CELA1: variants seen among roughly 807,000 people sequenced by gnomAD.
The protein encoded by CELA1 is chymotrypsin-like elastase family member 1.
A neutral mutation model predicts 34.8 loss-of-function variants in CELA1; 28 were observed. That is an observed-to-expected ratio of 0.80 (90% CI 0.60 to 1.10). CELA1 has a LOEUF of 1.10. Among genes scored for constraint, CELA1 ranks in the 50% least tolerant of loss-of-function variants. CELA1 has a pLI of 0.00. For synonymous variants in CELA1, 140 were observed against 129.8 expected (o/e 1.08, Z -0.53); for missense variants, 288 against 327.5 (o/e 0.88, Z 0.93).
At position 51,341,373 on chromosome 12, in the gene CELA1, T is replaced by C. The variant is rs1331412941; in HGVS notation, c.334A>G (p.Ile112Val). The C allele has an allele frequency of 3.7e-6, 6 of 1,614,138 alleles. No homozygotes were observed. Among genetic ancestry groups the C allele is most frequent in the Non-Finnish European group, 5.1e-6 (6 of 1,180,022 alleles). ...NSDNVAAGYD[I>V]ALLRLAQSVT... ...CTCTGGGCCAGGCGCAGCAGGGCGA[T>C]GTCATAGCTGCAGGAGAAAAGGAGA... The change falls in exon 5 of 8, where the codon ATC (isoleucine) becomes GTC (valine). Residue 112 changes from isoleucine to valine, a missense_variant. By Grantham distance (29) the Ile-to-Val change is conservative (BLOSUM62 3). Coordinates refer to ENST00000293636, the MANE Select transcript of CELA1 (RefSeq NM_001971.6).
In CELA1 at chr12:51,344,266, G is replaced by C. The variant is rs537786153; in HGVS notation, c.100-413C>G. 6.4e-4 allele frequency among the ~76,000 whole-genome samples: 98 copies of C among 152,294 alleles called. 1 individual carries two copies. The highest frequency in any genetic ancestry group is 1.3e-3 in the Non-Finnish European group (89 of 68,028). On this transcript the variant is annotated intron_variant, in intron 2 of 7. Transcript: ENST00000293636. ...AAGGGATGCTCCATCGCTTGGTGAT[G>C]TTTGCTGTGTACATGGATGGAGGAG...
intron 6 of CELA1, among the ~76,000 whole-genome samples, chr12:51,335,423 CT>C (rs1488978005): frequency 6.6e-6 from 1 of 151,886 alleles, no homozygotes; most frequent in Admixed American, 6.6e-5. Context: ...TGCCTGGCTA[CT>C]TTTTTGTATT....
chr12:51,342,875 G>A (rs1156391421), intron 3 of CELA1, among the ~76,000 whole-genome samples, 175 bp from the exon 4 acceptor site: 1 of 151,160 alleles, frequency 6.6e-6, no homozygotes, highest in African/African-American at 2.4e-5. Context: ...AAACTCCCAG[G>A]CTCAAGTGAT....
chr12:51,328,950 G>A (rs1946452033), intron 7 of CELA1, among the ~76,000 whole-genome samples: 1 of 152,094 alleles, frequency 6.6e-6, no homozygotes, highest in Admixed American at 6.6e-5. Flanking sequence ...ATTTAAGGTG[G>A]TAAAACCTGT....
At chr12:51,345,944 G>T (rs1946563111) in intron 1 of CELA1, 67 bp from the exon 2 acceptor site, 2 of 1,087,694 alleles carry the variant, frequency 1.8e-6, no homozygotes, top group Non-Finnish European at 2.7e-6. Context: ...GGGGTGGGGG[G>T]TGGCGATTGT....
intron 4 of CELA1, among the ~76,000 whole-genome samples, chr12:51,342,277 C>T (rs113486837): frequency 0.012 from 1,795 of 152,260 alleles, 20 homozygotes; most frequent in Non-Finnish European, 0.017. Flanking sequence ...TCAGGTGATC[C>T]GCCTGCCTTG....
chr12:51,333,687 C>G (rs1200418751), intron 6 of CELA1, among the ~76,000 whole-genome samples: 1 of 152,096 alleles, frequency 6.6e-6, no homozygotes, highest in Non-Finnish European at 1.5e-5. Context: ...GCCACCACGC[C>G]CAGTCAAGGG....
intron 6 of CELA1, among the ~76,000 whole-genome samples, chr12:51,335,937 G>A (rs1946497834): frequency 6.6e-6 from 1 of 152,054 alleles, no homozygotes; most frequent in Admixed American, 6.6e-5. Context: ...ACACCCGGCT[G>A]GTTATATGTC....
chr12:51,334,511 G>A lies in CELA1; in HGVS notation c.610-4678C>T, dbSNP rs999524152. Among the ~76,000 whole-genome samples the A allele has an allele frequency of 2.6e-5, 4 of 152,106 alleles. No homozygotes were observed. The South Asian group carries it at 8.3e-4, about 32-fold the overall frequency. ...TGCAGTGGCACGATTTCAGCTCACTGCAAGCTCCACCTCCCCGGTTCACAC... is the reference window on the plus strand; with the variant it reads ...TGCAGTGGCACGATTTCAGCTCACTACAAGCTCCACCTCCCCGGTTCACAC... On this transcript the variant is annotated intron_variant, in intron 6 of 7. Transcript: ENST00000293636.
At chr12:51,342,323 C>T (rs1946541420) in intron 4 of CELA1, among the ~76,000 whole-genome samples, 1 of 152,228 alleles carries the variant, frequency 6.6e-6, no homozygotes, top group African/African-American at 2.4e-5. Context: ...GCATGAGCCA[C>T]TGTGCCTGGC....
At chr12:51,345,138 AT>A (rs1160528599) in intron 2 of CELA1, among the ~76,000 whole-genome samples, 4 of 148,470 alleles carry the variant, frequency 2.7e-5, no homozygotes. Context: ...AAAAAAAAAA[AT>A]ACCAATAGGA....
intron 6 of CELA1, among the ~76,000 whole-genome samples, chr12:51,338,337 A>T (rs1212287488): frequency 2.0e-5 from 3 of 151,414 alleles, no homozygotes; most frequent in Non-Finnish European, 4.4e-5. Context: ...TCAAAATGTA[A>T]TAACTGTTCT....
intron 6 of CELA1, among the ~76,000 whole-genome samples, chr12:51,334,061 A>G (rs766465676): frequency 2.0e-5 from 3 of 152,214 alleles, no homozygotes; most frequent in Admixed American, 6.5e-5. Flanking sequence ...GTGAAAGCCC[A>G]GAAGACACAC....
intron 6 of CELA1, among the ~76,000 whole-genome samples, chr12:51,338,538 C>T (rs1285983512): frequency 6.6e-6 from 1 of 152,038 alleles, no homozygotes; most frequent in East Asian, 1.9e-4. Context: ...TGGCCTATTC[C>T]TATTTGCCCC....
At chr12:51,338,389 G>A (rs1946513661) in intron 6 of CELA1, among the ~76,000 whole-genome samples, 1 of 151,870 alleles carries the variant, frequency 6.6e-6, no homozygotes, top group African/African-American at 2.4e-5. Flanking sequence ...GCTAGATTCG[G>A]CTTGTGGACC....
At chr12:51,335,754 A>C (rs1946497062) in intron 6 of CELA1, among the ~76,000 whole-genome samples, 1 of 150,848 alleles carries the variant, frequency 6.6e-6, no homozygotes, top group South Asian at 2.1e-4. Context: ...TTCCCACCTC[A>C]GCCTTCCAAG....
At chr12:51,345,938 T>G in intron 1 of CELA1, 61 bp from the exon 2 acceptor site, 33 of 1,115,598 alleles carry the variant, frequency 3.0e-5, no homozygotes, top group Middle Eastern at 2.0e-4. Context: ...GGGGTAGGGG[T>G]GGGGGGTGGC....
At position 51,341,248 on chromosome 12, in the gene CELA1, G is replaced by A. The variant is rs770662241; in HGVS notation, c.459C>T (p.Thr153=). ...GTGCCAATGTAGGCAACTTACTCTT[G>A]GTCTTGCCCCAGCCTGTGATGTAGC... ...SPCYITGWGK[T]KTNGQLAQTL... Residue 153 remains threonine (T), a synonymous_variant, in exon 5 of 8, where the codon ACC becomes ACT. Transcript: ENST00000293636. 1.9e-6 allele frequency: 3 copies of A among 1,614,038 alleles called. No homozygotes were observed. The South Asian group carries it at 3.3e-5, about 18-fold the overall frequency.
At chr12:51,329,608 A>G (rs891542987) in intron 7 of CELA1, 76 bp downstream of exon 7, 9 of 1,438,376 alleles carry the variant, frequency 6.3e-6, no homozygotes, top group South Asian at 5.6e-5. Flanking sequence ...AGTCCATCCA[A>G]CGTTTGTTCC....
Sources: gnomAD v4.1 joint callset for allele counts (sites outside exome capture counted in the v4.1 genomes callset) on GRCh38, gnomAD v4.1.1 for gene constraint, MANE v1.5 for transcripts, NCBI Gene and HGNC (gene_info 2026-07-23, HGNC 2026-07-21) for gene names.